Variants in MYCBP2 observed in about 807,000 individuals in gnomAD.
MYCBP2 encodes the protein E3 ubiquitin-protein ligase MYCBP2.
A neutral mutation model predicts 525.3 loss-of-function variants in MYCBP2; 120 were observed. The observed-to-expected ratio is 0.23, with a 90% CI of 0.20 to 0.27. The LOEUF (loss-of-function observed/expected upper bound fraction) is 0.27. Among genes scored for constraint, MYCBP2 ranks in the 10% least tolerant of loss-of-function variants. The pLI is 1.00. For synonymous variants in MYCBP2, 1,894 were observed against 1,955.8 expected (o/e 0.97, Z 0.83); for missense variants, 4,149 against 5,657.1 (o/e 0.73, Z 8.55).
At chr13:77,082,026 T>C in intron 63 of MYCBP2, 33 bp from the exon 64 acceptor site, 1 of 1,592,510 alleles carries the variant, frequency 6.3e-7, no homozygotes, top group Non-Finnish European at 8.6e-7. Context: ...ATATACGAAA[T>C]AATTATTTTC....
chr13:77,181,094 T>G (rs2060176959), intron 33 of MYCBP2, among the ~76,000 whole-genome samples: 1 of 152,178 alleles, frequency 6.6e-6, no homozygotes, highest in Non-Finnish European at 1.5e-5. Flanking sequence ...GTATTTGTTT[T>G]CCTAAGTGGA....
intron 30 of MYCBP2, among the ~76,000 whole-genome samples, chr13:77,187,362 A>G (rs924983841): frequency 7.2e-5 from 11 of 152,226 alleles, no homozygotes; most frequent in African/African-American, 2.7e-4. Flanking sequence ...TCAAAGCACA[A>G]GCTCTACAAA....
chr13:77,286,327 T>C (rs1450092250), intron 3 of MYCBP2, among the ~76,000 whole-genome samples: 1 of 152,210 alleles, frequency 6.6e-6, no homozygotes, highest in African/African-American at 2.4e-5. Context: ...TTTATAATTA[T>C]AAAATCATTT....
chr13:77,097,425 C>A lies in MYCBP2; in HGVS notation c.9729G>T (p.Leu3243=), dbSNP rs1298268882. The change falls in exon 56 of 83, where the codon CTG becomes CTT. Residue 3243 remains leucine, a synonymous_variant. Coordinates refer to ENST00000544440, the MANE Select transcript of MYCBP2 (RefSeq NM_015057.5). ...CCGGGTATGGATGTGACTCCCCACA[C>A]AGTTCACAGATGGTATCTTTCTCTG... ...GGPEKDTICE[L]CGESHPYPVT... 1.2e-6 allele frequency: 2 copies of A among 1,613,376 alleles called. No homozygotes were observed. Among genetic ancestry groups the A allele is most frequent in the African/African-American group, 2.7e-5 (2 of 74,884 alleles).
chr13:77,244,331 C>T (rs1000568088), intron 15 of MYCBP2, among the ~76,000 whole-genome samples: 4 of 152,184 alleles, frequency 2.6e-5, no homozygotes, highest in Non-Finnish European at 4.4e-5. Context: ...AACAATGTTG[C>T]TGTCCAGCAG....
At position 77,150,754 on chromosome 13, in the gene MYCBP2, T is replaced by C; in HGVS notation, c.7111A>G (p.Ile2371Val). The change falls in exon 47 of 83, where the codon ATT becomes GTT. Residue 2371 changes from isoleucine to valine, a missense_variant. Around this residue, in one of 21 missense-constraint regions of MYCBP2, gnomAD observed 692 missense variants for 852.7 expected, o/e 0.81. Transcript: ENST00000544440. Reference protein sequence around the residue: ...EPMIVKEARYIAITMMKVYEN... With the variant: ...EPMIVKEARYVAITMMKVYEN... ...ATTACCTTCATCATTGTTATGGCAA[T>C]ATATCGAGCTTCCTTCACTATCATT... 1.2e-6 allele frequency: 2 copies of C among 1,613,946 alleles called. No individual in the cohort carries two copies. The highest frequency in any genetic ancestry group is 2.2e-5 in the East Asian group (1 of 44,870).
chr13:77,070,744 A>G lies in MYCBP2; in HGVS notation c.11824-33T>C, dbSNP rs370165805. On this transcript the variant is annotated intron_variant, in intron 68 of 82. Coordinates refer to ENST00000544440, the MANE Select transcript of MYCBP2 (RefSeq NM_015057.5). Reference sequence around the variant, plus strand: ...TAGAAAAAGAAAAAAAAAAAAAAGAATGAAGTGGTCTCTTTAAATAAAATT... The same window carrying G: ...TAGAAAAAGAAAAAAAAAAAAAAGAGTGAAGTGGTCTCTTTAAATAAAATT... 5 of 1,389,702 alleles carry G rather than the reference A, an allele frequency of 3.6e-6. No individual in the cohort carries two copies. In the African/African-American group the frequency reaches 5.8e-5, roughly 16 times the overall value. 86.1% of individuals were successfully genotyped at this position (1,389,702 alleles called of 1,614,324 possible).
chr13:77,182,893 G>T (rs1474251078), intron 32 of MYCBP2, among the ~76,000 whole-genome samples: 1 of 152,170 alleles, frequency 6.6e-6, no homozygotes, highest in Non-Finnish European at 1.5e-5. Context: ...TGTTAGTGAA[G>T]ATTTTTTTGT....
intron 3 of MYCBP2, among the ~76,000 whole-genome samples, chr13:77,286,638 C>A (rs2076802249): frequency 6.8e-6 from 1 of 146,876 alleles, no homozygotes. Flanking sequence ...TGCCTGTAGT[C>A]CCAGCTACTT....
At chr13:77,200,383 G>T (rs941820140) in intron 26 of MYCBP2, among the ~76,000 whole-genome samples, 1 of 152,078 alleles carries the variant, frequency 6.6e-6, no homozygotes, top group African/African-American at 2.4e-5. Context: ...CAAGAAATAT[G>T]GGACTATGTG....
At chr13:77,183,063 T>C (rs2060360158) in intron 32 of MYCBP2, among the ~76,000 whole-genome samples, 1 of 152,198 alleles carries the variant, frequency 6.6e-6, no homozygotes, top group African/African-American at 2.4e-5. Flanking sequence ...GTAAATTACA[T>C]CGATTTTCAA....
intron 8 of MYCBP2, among the ~76,000 whole-genome samples, chr13:77,267,361 C>T (rs1344977890): frequency 6.6e-6 from 1 of 151,096 alleles, no homozygotes; most frequent in Non-Finnish European, 1.5e-5. Flanking sequence ...CTGACCTACC[C>T]TAAACTCTCT....
Position 77,049,784 on chromosome 13 carries a change from C to T in MYCBP2, c.13921+1213G>A, listed in dbSNP as rs373285836. 7.9e-5 allele frequency among the ~76,000 whole-genome samples: 12 copies of T among 152,216 alleles called. No individual in the cohort carries two copies. The South Asian group carries it at 2.3e-3, about 29-fold the overall frequency. ...GTGAGTAGCTCGGATTACAGGTACC[C>T]GCCACCATGCCTGGCTAATTTTTGT... On this transcript the variant is annotated intron_variant, in intron 82 of 82. Coordinates refer to ENST00000544440, the MANE Select transcript of MYCBP2 (RefSeq NM_015057.5).
In MYCBP2 at chr13:77,097,458, T is replaced by C. The variant is rs189538079; in HGVS notation, c.9696A>G (p.Val3232=). 9.9e-6 allele frequency: 16 copies of C among 1,613,474 alleles called. No homozygotes were observed. Among genetic ancestry groups the C allele is most frequent in the African/African-American group, 1.3e-5 (1 of 74,906 alleles). The part of the protein sequence containing the change: ...NLFGEMAQLA[V]GGPEKDTICE... Reference sequence around the variant, plus strand: ...AGATGGTATCTTTCTCTGGTCCTCCTACTGCCAGCTGGGCCATCTCTCCAA... The same window carrying C: ...AGATGGTATCTTTCTCTGGTCCTCCCACTGCCAGCTGGGCCATCTCTCCAA... The change falls in exon 56 of 83, where the codon GTA becomes GTG. Residue 3232 remains valine (V), a synonymous_variant. Coordinates refer to ENST00000544440, the MANE Select transcript of MYCBP2 (RefSeq NM_015057.5).
chr13:77,082,710 T>C (rs570215033), intron 63 of MYCBP2, among the ~76,000 whole-genome samples: 44 of 152,282 alleles, frequency 2.9e-4, no homozygotes, highest in African/African-American at 9.6e-4. Flanking sequence ...GTTTTTGTTT[T>C]TGAGATTTCA....
In MYCBP2 at chr13:77,190,338, A is replaced by G. The variant is rs1595276656; in HGVS notation, c.4071-3T>C. 6.3e-7 allele frequency: 1 copy of G among 1,576,850 alleles called. No individual in the cohort carries two copies. Among genetic ancestry groups the G allele is most frequent in the Non-Finnish European group, 8.7e-7 (1 of 1,150,024 alleles). On this transcript the variant is annotated splice_region_variant and splice_polypyrimidine_tract_variant and intron_variant, in intron 28 of 82. Coordinates refer to ENST00000544440, the MANE Select transcript of MYCBP2 (RefSeq NM_015057.5). ...AACTCTTGAACTGGAAAACAACCCT[A>G]AGAAGAGAAAACAATGATACCAAAA...
chr13:77,243,722 A>T, intron 16 of MYCBP2, 84 bp downstream of exon 16: 1 of 1,183,184 alleles, frequency 8.5e-7, no homozygotes, highest in South Asian at 1.9e-5. Flanking sequence ...TTATTAACAT[A>T]TATCTAAAAG....
intron 41 of MYCBP2, among the ~76,000 whole-genome samples, chr13:77,165,923 C>A (rs1483407452): frequency 6.6e-6 from 1 of 152,148 alleles, no homozygotes; most frequent in Non-Finnish European, 1.5e-5. Context: ...TCTCTTCACA[C>A]AAGAAAGTGG....
At chr13:77,238,180 T>C (rs1475850034) in intron 17 of MYCBP2, among the ~76,000 whole-genome samples, 1 of 148,210 alleles carries the variant, frequency 6.7e-6, no homozygotes, top group Non-Finnish European at 1.5e-5. Flanking sequence ...GAGGCGGAGC[T>C]TGCAGTGAGC....
Sources: allele counts gnomAD v4.1 joint callset (sites outside exome capture counted in the v4.1 genomes callset), GRCh38; gene constraint gnomAD v4.1.1; regional missense constraint gnomAD v4.1.1; transcripts MANE v1.5; gene names NCBI Gene and HGNC (gene_info 2026-07-23, HGNC 2026-07-21).